Variants in RPGRIP1 observed in about 807,000 individuals in gnomAD.
The protein encoded by RPGRIP1 is X-linked retinitis pigmentosa GTPase regulator-interacting protein 1.
Under a neutral mutation model 157.9 loss-of-function variants are expected in RPGRIP1, and 128 were observed. The ratio of observed to expected loss-of-function variants is 0.81; its 90% CI spans 0.70 to 0.94. RPGRIP1 has a LOEUF of 0.94. Ranked by LOEUF, RPGRIP1 falls within the 40% of genes least tolerant of loss-of-function variation. The pLI, the probability that RPGRIP1 is intolerant of heterozygous loss-of-function variation, is 0.00. For missense variants in RPGRIP1, 1,486 were observed against 1,545.8 expected, an observed-to-expected ratio of 0.96 and a Z score of 0.65; for synonymous variants, 554 against 571.6, an observed-to-expected ratio of 0.97 and a Z score of 0.44.
At chr14:21,311,681 A>C (rs954847428) in intron 8 of RPGRIP1, 143 bp from the exon 9 acceptor site, 2 of 548,024 alleles carry the variant, frequency 3.6e-6, no homozygotes, top group African/African-American at 4.0e-5. Flanking sequence ...AAACAAGGTT[A>C]ACGAACAGTA....
At chr14:21,333,948 CAG>C (rs1177378031) in intron 20 of RPGRIP1, among the ~76,000 whole-genome samples, 2 of 131,672 alleles carry the variant, frequency 1.5e-5, no homozygotes, top group African/African-American at 2.9e-5. Context: ...TTTTTTGAGA[CAG>C]AGTCTCTTGT....
chr14:21,324,743 C>G lies in RPGRIP1; in HGVS notation c.1888C>G (p.Leu630Val). 1 of 1,614,058 alleles carries G rather than the reference C, an allele frequency of 6.2e-7. No homozygotes were observed. Among genetic ancestry groups the G allele is most frequent in the Non-Finnish European group, 8.5e-7 (1 of 1,179,886 alleles). ...GCATCAGGGTGAGAATCTTTTTGAACTGCACATCCACCAGGCCTTCCTGAC... is the reference window on the plus strand; with the variant it reads ...GCATCAGGGTGAGAATCTTTTTGAAGTGCACATCCACCAGGCCTTCCTGAC... The part of the protein sequence containing the change: ...LLHQGENLFE[L>V]HIHQAFLTSA... Residue 630 changes from leucine to valine, a missense_variant, in exon 15 of 25, where the codon CTG becomes GTG. Leu to Val is a conservative substitution (Grantham distance 32). Coordinates refer to ENST00000400017, the MANE Select transcript of RPGRIP1 (RefSeq NM_020366.4).
At chr14:21,296,086 C>G (rs1011207104) in intron 3 of RPGRIP1, among the ~76,000 whole-genome samples, 1 of 151,596 alleles carries the variant, frequency 6.6e-6, no homozygotes, top group African/African-American at 2.4e-5. Flanking sequence ...CAGGCACACA[C>G]CACCATGGCC....
chr14:21,312,370 G>A, intron 9 of RPGRIP1, 63 bp from the exon 10 acceptor site: 1 of 1,192,602 alleles, frequency 8.4e-7, no homozygotes, highest in Non-Finnish European at 1.2e-6. Context: ...CCATGGACAG[G>A]GGAAATCCTG....
intron 12 of RPGRIP1, among the ~76,000 whole-genome samples, chr14:21,321,003 T>C (rs1882398527): frequency 6.6e-6 from 1 of 152,198 alleles, no homozygotes; most frequent in South Asian, 2.1e-4. Context: ...TTAGAATCTT[T>C]TTCAGATGAG....
At chr14:21,290,818 C>CAA (rs111616598) in intron 2 of RPGRIP1, among the ~76,000 whole-genome samples, 41 of 114,834 alleles carry the variant, frequency 3.6e-4, no homozygotes, top group Non-Finnish European at 4.7e-4. Context: ...GACTCCGTCT[C>CAA]AAAAAAAAAA....
chr14:21,314,344 A>G (rs1881673618), intron 10 of RPGRIP1, among the ~76,000 whole-genome samples: 1 of 152,138 alleles, frequency 6.6e-6, no homozygotes, highest in African/African-American at 2.4e-5. Flanking sequence ...TTGGTCTCCC[A>G]AAGTGTTGGG....
At chr14:21,294,578 A>G (rs1880680811) in intron 2 of RPGRIP1, 99 bp from the exon 3 acceptor site, 4 of 1,230,402 alleles carry the variant, frequency 3.3e-6, no homozygotes, top group South Asian at 2.8e-5. Context: ...TTGACTCAAG[A>G]TAGATTTATG....
intron 6 of RPGRIP1, among the ~76,000 whole-genome samples, chr14:21,305,090 C>T (rs910677159): frequency 2.0e-5 from 3 of 152,228 alleles, no homozygotes; most frequent in Admixed American, 1.3e-4. Context: ...GCGTAAGCCA[C>T]TGCGCCTGGC....
At chr14:21,349,589 A>C (rs1161874149) in intron 24 of RPGRIP1, among the ~76,000 whole-genome samples, 1 of 151,174 alleles carries the variant, frequency 6.6e-6, no homozygotes, top group Non-Finnish European at 1.5e-5. Flanking sequence ...TTTAGTAGAG[A>C]TGGGGTTTCT....
chr14:21,326,212 C>A, intron 17 of RPGRIP1, 39 bp downstream of exon 17: 1 of 1,330,422 alleles, frequency 7.5e-7, no homozygotes, highest in Admixed American at 2.2e-5. Flanking sequence ...CGCCCTCTTC[C>A]CAGTGTTGTC....
intron 7 of RPGRIP1, among the ~76,000 whole-genome samples, chr14:21,308,905 T>C (rs1319924739): frequency 6.6e-6 from 1 of 152,122 alleles, no homozygotes; most frequent in Non-Finnish European, 1.5e-5. Context: ...AGTCTTTTAA[T>C]ATGCAAATGA....
chr14:21,318,310 C>T (rs1325947827), intron 11 of RPGRIP1: 2 of 320,476 alleles, frequency 6.2e-6, no homozygotes, highest in Non-Finnish European at 1.2e-5. Flanking sequence ...TGGGGTTTTA[C>T]CATGTTAGTT....
In RPGRIP1 at chr14:21,327,808, G is replaced by GT; in HGVS notation, c.2895+2dup. ...GGAAAAGGCTTCATTTCCTTCCCAGGTAACTCTCCAGGACTCCACAGGTAG... is the reference window on the plus strand; with the variant it reads ...GGAAAAGGCTTCATTTCCTTCCCAGGTTAACTCTCCAGGACTCCACAGGTAG... On this transcript the variant is annotated splice_donor_variant, in intron 18 of 24. Coordinates refer to ENST00000400017, the MANE Select transcript of RPGRIP1 (RefSeq NM_020366.4). LOFTEE classifies it high-confidence loss of function. 1 of 1,587,674 alleles carries GT rather than the reference G, an allele frequency of 6.3e-7. No individual in the cohort carries two copies.
chr14:21,345,029 C>T (rs960936306), intron 22 of RPGRIP1, 84 bp from the exon 23 acceptor site: 1 of 862,136 alleles, frequency 1.2e-6, no homozygotes, highest in Non-Finnish European at 2.0e-6. Flanking sequence ...ATGAAAACTA[C>T]CATGAATACC....
intron 3 of RPGRIP1, among the ~76,000 whole-genome samples, chr14:21,297,201 T>C (rs1048337648): frequency 3.9e-5 from 6 of 151,958 alleles, no homozygotes; most frequent in Non-Finnish European, 8.8e-5. Flanking sequence ...TTCAAGTGAT[T>C]CTCCTGCCTC....
intron 10 of RPGRIP1, among the ~76,000 whole-genome samples, chr14:21,315,400 G>A (rs1328438357): frequency 2.0e-5 from 3 of 151,578 alleles, no homozygotes; most frequent in South Asian, 2.1e-4. Context: ...CCAGCTACTC[G>A]GGAGGCTGAG....
intron 3 of RPGRIP1, among the ~76,000 whole-genome samples, chr14:21,300,296 A>C (rs1018739870): frequency 4.2e-5 from 6 of 141,906 alleles, no homozygotes; most frequent in Non-Finnish European, 9.2e-5. Context: ...CAAGAGAAAA[A>C]GTCCGTCTCA....
At chr14:21,301,718 A>ATAG (rs1881042299) in intron 4 of RPGRIP1, among the ~76,000 whole-genome samples, 1 of 85,862 alleles carries the variant, frequency 1.2e-5, no homozygotes. Flanking sequence ...AATAATAATA[A>ATAG]TAATAAAAAA....
Sources: allele counts gnomAD v4.1 joint callset (sites outside exome capture counted in the v4.1 genomes callset), GRCh38; gene constraint gnomAD v4.1.1; transcripts MANE v1.5; gene names NCBI Gene and HGNC (gene_info 2026-07-23, HGNC 2026-07-21).